Variants in IL1RAPL2 observed in about 807,000 individuals in gnomAD.
The protein encoded by IL1RAPL2 is interleukin 1 receptor accessory protein like 2, also known as X-linked interleukin-1 receptor accessory protein-like 2.
In IL1RAPL2, 3 loss-of-function variants were observed where a neutral mutation model predicts 44.1. The observed-to-expected ratio is 0.07, with a 90% confidence interval of 0.03 to 0.18. The LOEUF is 0.18. Ranked by LOEUF, IL1RAPL2 falls within the 10% of genes least tolerant of loss-of-function variation. The pLI, the probability that IL1RAPL2 is intolerant of heterozygous loss-of-function variation, is 1.00. For missense variants in IL1RAPL2, 391 were observed against 496.4 expected, an observed-to-expected ratio of 0.79 and a Z score of 2.02; for synonymous variants, 181 against 178.8, an observed-to-expected ratio of 1.01 and a Z score of -0.10.
intron 2 of IL1RAPL2, among the ~76,000 whole-genome samples, chrX:104,707,581 C>T (rs7053789): frequency 0.014 from 1,334 of 94,941 alleles, 16 homozygotes; most frequent in African/African-American, 0.043. Flanking sequence ...TATTGTACAC[C>T]AAATACTGCT....
At chrX:105,697,293 C>CAAAAAAAA (rs1308596758) in intron 6 of IL1RAPL2, among the ~76,000 whole-genome samples, 1 of 76,974 alleles carries the variant, frequency 1.3e-5, no homozygotes. Context: ...CAACATAGCT[C>CAAAAAAAA]AAAAAAAAAA....
intron 5 of IL1RAPL2, among the ~76,000 whole-genome samples, chrX:105,439,372 A>C (rs950353014): frequency 9.0e-6 from 1 of 111,107 alleles, no homozygotes; most frequent in Admixed American, 9.6e-5. Context: ...TTTGAGCCTA[A>C]AAGTACAACT....
At chrX:104,994,002 A>G (rs2030707827) in intron 2 of IL1RAPL2, among the ~76,000 whole-genome samples, 1 of 111,856 alleles carries the variant, frequency 8.9e-6, no homozygotes, top group Non-Finnish European at 1.9e-5. Flanking sequence ...AAAATTCTTA[A>G]TCCCTCCTAC....
chrX:104,995,832 C>G (rs1442686762), intron 2 of IL1RAPL2, among the ~76,000 whole-genome samples: 2 of 111,614 alleles, frequency 1.8e-5, no homozygotes, highest in Non-Finnish European at 3.8e-5. Context: ...TATCTCTTTT[C>G]CTGAAAGGGT....
At chrX:104,825,746 T>C (rs986974392) in intron 2 of IL1RAPL2, among the ~76,000 whole-genome samples, 1 of 112,126 alleles carries the variant, frequency 8.9e-6, no homozygotes, top group Non-Finnish European at 1.9e-5. Flanking sequence ...GTTGCTCCAG[T>C]AATCCTGCAT....
chrX:104,786,931 CT>C (rs1932801705), intron 2 of IL1RAPL2, among the ~76,000 whole-genome samples: 1 of 29,633 alleles, frequency 3.4e-5, no homozygotes, highest in Admixed American at 3.4e-4. Flanking sequence ...CTCTCTCTCT[CT>C]CTCTCTCTCT....
chrX:105,427,752 T>A (rs747393684), intron 5 of IL1RAPL2, among the ~76,000 whole-genome samples: 13 of 112,009 alleles, frequency 1.2e-4, no homozygotes, highest in Non-Finnish European at 2.4e-4. Flanking sequence ...GGGCAACATG[T>A]GTAGATGAGA....
At chrX:104,816,930 A>C (rs1482506764) in intron 2 of IL1RAPL2, among the ~76,000 whole-genome samples, 4 of 112,921 alleles carry the variant, frequency 3.5e-5, no homozygotes, top group African/African-American at 1.3e-4. Flanking sequence ...TAAGAAATCA[A>C]CTTGCAAAAG....
At chrX:105,762,940 G>A (rs1191703572) in intron 10 of IL1RAPL2, among the ~76,000 whole-genome samples, 1 of 109,493 alleles carries the variant, frequency 9.1e-6, no homozygotes, top group Non-Finnish European at 1.9e-5. Flanking sequence ...AACGTTTTCT[G>A]AAGGTTTCTA....
At chrX:105,564,080 G>C (rs1329910603) in intron 6 of IL1RAPL2, among the ~76,000 whole-genome samples, 1 of 111,375 alleles carries the variant, frequency 9.0e-6, no homozygotes, top group Non-Finnish European at 1.9e-5. Flanking sequence ...TTCATAGATG[G>C]TGCATTCTCA....
At chrX:104,637,699 T>C (rs967170766) in intron 1 of IL1RAPL2, among the ~76,000 whole-genome samples, 9 of 111,264 alleles carry the variant, frequency 8.1e-5, no homozygotes, top group Admixed American at 1.9e-4. Flanking sequence ...TGATGTGTTA[T>C]TGGATTCCAT....
chrX:105,315,578 G>GTATATATATAGATATATATATATATATA (rs2034831620), intron 5 of IL1RAPL2, among the ~76,000 whole-genome samples: 1 of 21,815 alleles, frequency 4.6e-5, no homozygotes, highest in Non-Finnish European at 1.7e-4. Flanking sequence ...ACTAATGGAT[G>GTATATATATAGATATATATATATATATA]TATATATATA....
At chrX:104,630,146 G>T (rs1346479810) in intron 1 of IL1RAPL2, among the ~76,000 whole-genome samples, 1 of 51,573 alleles carries the variant, frequency 1.9e-5, no homozygotes, top group Non-Finnish European at 3.0e-5. Context: ...ACCACACCTG[G>T]ATAATTTTTT....
chrX:105,254,978 A>C (rs1055197855), intron 4 of IL1RAPL2, among the ~76,000 whole-genome samples: 1 of 111,650 alleles, frequency 9.0e-6, no homozygotes, highest in African/African-American at 3.3e-5. Flanking sequence ...GTTTCAAGTC[A>C]TTTAACGTGA....
intron 1 of IL1RAPL2, among the ~76,000 whole-genome samples, chrX:104,633,450 A>G (rs1261472721): frequency 1.8e-5 from 2 of 111,804 alleles, no homozygotes. Context: ...GGTAGAATTC[A>G]GCTGTGAATC....
intron 2 of IL1RAPL2, among the ~76,000 whole-genome samples, chrX:105,118,368 A>G (rs1292511139): frequency 1.8e-5 from 2 of 112,449 alleles, no homozygotes; most frequent in African/African-American, 6.5e-5. Context: ...AGAGGAAAGG[A>G]CATCCCCAGG....
chrX:104,610,416 T>G (rs1447590395), intron 1 of IL1RAPL2, among the ~76,000 whole-genome samples: 1 of 111,948 alleles, frequency 8.9e-6, no homozygotes, highest in Non-Finnish European at 1.9e-5. Context: ...CTTAAGCTGA[T>G]AAGCAACTTC....
intron 2 of IL1RAPL2, among the ~76,000 whole-genome samples, chrX:104,769,390 C>T (rs1932606563): frequency 9.0e-6 from 1 of 111,606 alleles, no homozygotes; most frequent in Non-Finnish European, 1.9e-5. Flanking sequence ...TTTCTAAGGT[C>T]ACTTAATAAG....
At chrX:104,631,595 A>G (rs1255440863) in intron 1 of IL1RAPL2, among the ~76,000 whole-genome samples, 2 of 111,980 alleles carry the variant, frequency 1.8e-5, no homozygotes, top group African/African-American at 3.2e-5. Flanking sequence ...GCCAGTGATG[A>G]TGAGCATTTT....
Sources: gnomAD v4.1 joint callset for allele counts (sites outside exome capture counted in the v4.1 genomes callset) on GRCh38, gnomAD v4.1.1 for gene constraint, MANE v1.5 for transcripts, NCBI Gene and HGNC (gene_info 2026-07-23, HGNC 2026-07-21) for gene names.